The following CATSPERT variants were observed in gnomAD, a reference collection of about 807,000 sequenced individuals.
The protein encoded by CATSPERT is cation channel sperm-associated targeting subunit tau.
the CATSPERT span, among the ~76,000 whole-genome samples, chr2:201,516,904 G>A: frequency 4.0e-5 from 6 of 150,634 alleles, no homozygotes; most frequent in Admixed American, 6.7e-5. Context: ...CCTCACCTAC[G>A]GGATAAAGCT....
chr2:201,498,264 C>T, the CATSPERT span, among the ~76,000 whole-genome samples: 3 of 152,126 alleles, frequency 2.0e-5, no homozygotes, highest in Non-Finnish European at 4.4e-5. Flanking sequence ...ACCAGGGGAG[C>T]CAACAGTGCA....
At chr2:201,579,853 CTTTT>C in the CATSPERT span, among the ~76,000 whole-genome samples, 8 of 134,296 alleles carry the variant, frequency 6.0e-5, no homozygotes, top group Admixed American at 1.5e-4. Flanking sequence ...CTTTCTTTTT[CTTTT>C]TTTTTTTTTT....
At chr2:201,502,780 A>T in the CATSPERT span, among the ~76,000 whole-genome samples, 1 of 152,108 alleles carries the variant, frequency 6.6e-6, no homozygotes, top group South Asian at 2.1e-4. Flanking sequence ...TATAGTTTTC[A>T]TCAAACTTAA....
At chr2:201,612,996 C>T in the CATSPERT span, among the ~76,000 whole-genome samples, 2 of 152,224 alleles carry the variant, frequency 1.3e-5, no homozygotes, top group African/African-American at 4.8e-5. Context: ...AGCAGCAAGG[C>T]TGGGGGAGGG....
At chr2:201,587,151 T>A in the CATSPERT span, among the ~76,000 whole-genome samples, 1 of 152,198 alleles carries the variant, frequency 6.6e-6, no homozygotes, top group Non-Finnish European at 1.5e-5. Context: ...TCTGTGCTAT[T>A]CTGGCCATGT....
At chr2:201,598,580 C>T in the CATSPERT span, among the ~76,000 whole-genome samples, 1 of 152,042 alleles carries the variant, frequency 6.6e-6, no homozygotes, top group Non-Finnish European at 1.5e-5. Flanking sequence ...AATCCCAAGG[C>T]TATAGCTCCA....
At chr2:201,600,807 G>A in the CATSPERT span, among the ~76,000 whole-genome samples, 4 of 150,764 alleles carry the variant, frequency 2.7e-5, no homozygotes, top group South Asian at 2.1e-4. Context: ...GCTGGAGTGC[G>A]ATGGCATGAT....
chr2:201,588,513 A>G, the CATSPERT span, among the ~76,000 whole-genome samples: 1 of 148,538 alleles, frequency 6.7e-6, no homozygotes, highest in Non-Finnish European at 1.5e-5. Context: ...AATAAGAAAG[A>G]TATTATTATT....
the CATSPERT span, chr2:201,493,919 T>C: frequency 6.5e-7 from 1 of 1,537,254 alleles, no homozygotes; most frequent in Non-Finnish European, 8.7e-7. Context: ...CCTGGTCCAC[T>C]TTCTAAAAAT....
the CATSPERT span, among the ~76,000 whole-genome samples, chr2:201,597,607 A>G: frequency 4.6e-5 from 7 of 152,060 alleles, no homozygotes; most frequent in African/African-American, 1.7e-4. Context: ...GCCAGATAAA[A>G]AGCTGCTGTA....
the CATSPERT span, among the ~76,000 whole-genome samples, chr2:201,591,615 G>A: frequency 2.0e-5 from 3 of 152,188 alleles, no homozygotes; most frequent in African/African-American, 7.2e-5. Flanking sequence ...TCCTACCCAT[G>A]AGCATGGAAT....
chr2:201,595,782 GAC>G, the CATSPERT span, among the ~76,000 whole-genome samples: 2 of 151,972 alleles, frequency 1.3e-5, no homozygotes, highest in Non-Finnish European at 2.9e-5. Flanking sequence ...TTCAAAAGAA[GAC>G]ACACATGTGG....
the CATSPERT span, among the ~76,000 whole-genome samples, chr2:201,607,746 G>A: frequency 6.6e-6 from 1 of 152,178 alleles, no homozygotes; most frequent in African/African-American, 2.4e-5. Flanking sequence ...AAACCGAATT[G>A]CCTTTCCCAA....
the CATSPERT span, among the ~76,000 whole-genome samples, chr2:201,500,968 G>A: frequency 6.6e-6 from 1 of 151,988 alleles, no homozygotes; most frequent in Admixed American, 6.6e-5. Context: ...AAACCAATGG[G>A]TCACAGAAGA....
chr2:201,611,936 A>G, the CATSPERT span, among the ~76,000 whole-genome samples: 1 of 152,234 alleles, frequency 6.6e-6, no homozygotes. Context: ...CTTTGCAGAC[A>G]GGATGCAGAT....
At chr2:201,559,995 C>T in the CATSPERT span, among the ~76,000 whole-genome samples, 28 of 151,924 alleles carry the variant, frequency 1.8e-4, no homozygotes, top group Non-Finnish European at 1.8e-4. Context: ...GGAAACTCAG[C>T]GAGATATAAG....
the CATSPERT span, among the ~76,000 whole-genome samples, chr2:201,520,163 T>C: frequency 0.081 from 12,312 of 152,210 alleles, 684 homozygotes; most frequent in African/African-American, 0.15. Flanking sequence ...AGCACCCAGA[T>C]ATATAAAGCA....
the CATSPERT span, among the ~76,000 whole-genome samples, chr2:201,497,665 G>A: frequency 1.5e-3 from 228 of 152,228 alleles, 2 homozygotes; most frequent in Non-Finnish European, 5.9e-4. Flanking sequence ...CCGTTTAACT[G>A]GGTATTATTG....
the CATSPERT span, chr2:201,619,076 C>G: frequency 6.2e-7 from 1 of 1,614,054 alleles, no homozygotes; most frequent in Admixed American, 1.7e-5. Flanking sequence ...TGGACCTGCC[C>G]GCTGCGGTTA....
Sources: allele counts gnomAD v4.1 joint callset (sites outside exome capture counted in the v4.1 genomes callset), GRCh38; gene constraint gnomAD v4.1.1; transcripts MANE v1.5; gene names NCBI Gene and HGNC (gene_info 2026-07-23, HGNC 2026-07-21).